Variants in ZFC3H1 observed in about 807,000 individuals in gnomAD.
ZFC3H1 encodes zinc finger C3H1 domain-containing protein.
Under a neutral mutation model 243.7 loss-of-function variants are expected in ZFC3H1, and 71 were observed. The observed-to-expected ratio is 0.29, with a 90% CI of 0.24 to 0.36. The LOEUF (loss-of-function observed/expected upper bound fraction) is 0.36. Among genes scored for constraint, ZFC3H1 ranks in the 10% least tolerant of loss-of-function variants. The pLI is 1.00. For synonymous variants in ZFC3H1, 838 were observed against 813.0 expected (o/e 1.03, Z -0.52); for missense variants, 1,966 against 2,317.1 (o/e 0.85, Z 3.11).
rs1303262989 is a variant in ZFC3H1 at position 71,647,777 on chromosome 12, ATTC to A, written c.1049_1051del (p.Arg350del). 16 of 1,479,812 alleles carry A rather than the reference ATTC, an allele frequency of 1.1e-5. No individual in the cohort carries two copies. Among genetic ancestry groups the A allele is most frequent in the Non-Finnish European group, 1.4e-5 (15 of 1,088,194 alleles). The allele number at this position is 1,479,812 out of a possible 1,614,324, so 91.7% of individuals were successfully genotyped here. On this transcript the variant is annotated inframe_deletion, in exon 3 of 35. Transcript: ENST00000378743. ...TTCAGACAGAATATCTGAGGTACTA[ATTC>A]TTCTTGTTAAATTTTGTTCTTTATC...
intron 11 of ZFC3H1, 101 bp downstream of exon 11, chr12:71,634,603 T>C (rs534100871): frequency 3.0e-6 from 4 of 1,331,722 alleles, no homozygotes; most frequent in African/African-American, 2.9e-5. Flanking sequence ...GTATCTTGGA[T>C]AAAACTATCA....
At chr12:71,627,279 A>G (rs1293533729) in intron 21 of ZFC3H1, among the ~76,000 whole-genome samples, 2 of 152,194 alleles carry the variant, frequency 1.3e-5, no homozygotes, top group African/African-American at 2.4e-5. Flanking sequence ...TTATTTAAAT[A>G]CATATAATTT....
At position 71,656,658 on chromosome 12, in the gene ZFC3H1, A is replaced by G. The variant is rs1881026270; in HGVS notation, c.1015+227T>C. The G allele has an allele frequency of 1.7e-5, 10 of 588,290 alleles. 1 individual carries two copies. The South Asian group carries it at 2.4e-4, about 14-fold the overall frequency. The allele number at this position is 588,290 out of a possible 1,614,324, so 36.4% of individuals were successfully genotyped here. A position where few individuals can be genotyped will look rare whatever the true frequency, so the allele number is the denominator to read the frequency against. ...GTGTCCACTATTATCACTTATGTAT[A>G]ACATTCTATTATAGAGGCCAGAATG... On this transcript the variant is annotated intron_variant, in intron 2 of 34. Transcript: ENST00000378743.
At chr12:71,623,029 TAAAA>T (rs34100899) in intron 24 of ZFC3H1, among the ~76,000 whole-genome samples, 1 of 144,900 alleles carries the variant, frequency 6.9e-6, no homozygotes, top group Admixed American at 6.8e-5. Context: ...AATGGACTGC[TAAAA>T]AAAAAAAAAA....
At chr12:71,637,729 T>C (rs978642090) in intron 7 of ZFC3H1, among the ~76,000 whole-genome samples, 6 of 152,138 alleles carry the variant, frequency 3.9e-5, no homozygotes, top group African/African-American at 7.2e-5. Flanking sequence ...GGCTCTAATA[T>C]TCCCCTCACC....
At chr12:71,643,227 A>G (rs1016844283) in intron 5 of ZFC3H1, among the ~76,000 whole-genome samples, 3 of 152,102 alleles carry the variant, frequency 2.0e-5, no homozygotes, top group African/African-American at 7.2e-5. Flanking sequence ...CCTGGCCAAC[A>G]TGGTGAAACC....
chr12:71,625,684 T>C (rs993368994), intron 22 of ZFC3H1, among the ~76,000 whole-genome samples: 2 of 152,168 alleles, frequency 1.3e-5, no homozygotes, highest in Non-Finnish European at 2.9e-5. Context: ...AGAGAGACCC[T>C]GCCTCAAAAA....
chr12:71,622,909 T>A (rs1880068183), intron 24 of ZFC3H1, among the ~76,000 whole-genome samples: 1 of 152,180 alleles, frequency 6.6e-6, no homozygotes, highest in Non-Finnish European at 1.5e-5. Context: ...TATCTTGTAA[T>A]GTGTTCCACA....
At chr12:71,660,450 ATATCT>A (rs2137567631) in intron 1 of ZFC3H1, 1 of 152,264 alleles carries the variant, frequency 6.6e-6, no homozygotes, top group African/African-American at 2.4e-5. Context: ...AAACAACAAG[ATATCT>A]TATTTATGAC....
intron 2 of ZFC3H1, among the ~76,000 whole-genome samples, chr12:71,653,690 A>G (rs1463143356): frequency 2.0e-5 from 3 of 152,264 alleles, no homozygotes; most frequent in Non-Finnish European, 4.4e-5. Context: ...TTTGAAAATC[A>G]ACAATGGAAG....
At chr12:71,656,244 A>C (rs987759861) in intron 2 of ZFC3H1, 1 of 246,776 alleles carries the variant, frequency 4.1e-6, no homozygotes, top group Non-Finnish European at 7.6e-6. Context: ...AACCTGAAGA[A>C]CTACACACTT....
chr12:71,613,284 A>G (rs771700661), intron 31 of ZFC3H1, 51 bp downstream of exon 31: 3 of 1,274,336 alleles, frequency 2.4e-6, no homozygotes, highest in Non-Finnish European at 3.3e-6. Context: ...TCTTATATAA[A>G]GAGCCTATTC....
At chr12:71,661,733 G>A (rs558309733) in intron 1 of ZFC3H1, among the ~76,000 whole-genome samples, 52 of 151,926 alleles carry the variant, frequency 3.4e-4, no homozygotes, top group African/African-American at 1.2e-3. Context: ...CCACCGCCTC[G>A]GCCTCTCAAA....
intron 2 of ZFC3H1, chr12:71,656,342 A>G (rs1410863604): frequency 5.0e-6 from 2 of 400,490 alleles, no homozygotes; most frequent in African/African-American, 4.1e-5. Flanking sequence ...CAAATCCATG[A>G]TTTAAAAATG....
At position 71,644,224 on chromosome 12, in the gene ZFC3H1, T is replaced by C; in HGVS notation, c.1374A>G (p.Lys458=). 1.9e-6 allele frequency: 3 copies of C among 1,612,770 alleles called. No homozygotes were observed. Among genetic ancestry groups the C allele is most frequent in the Non-Finnish European group, 8.5e-7 (1 of 1,179,196 alleles). ...TCCTTCTCTCTTCTTCTTCAGCTTG[T>C]TTCCGCTGATCCTCTTCTTTCTGTC... The part of the protein sequence containing the change: ...QERQKEEDQR[K]QAEEEERRKR... The change falls in exon 5 of 35, where the codon AAA becomes AAG. Residue 458 remains lysine, a synonymous_variant. Transcript: ENST00000378743.
chr12:71,658,332 A>C (rs1194429330), intron 1 of ZFC3H1, among the ~76,000 whole-genome samples: 2 of 122,780 alleles, frequency 1.6e-5, no homozygotes, highest in Non-Finnish European at 3.1e-5. Flanking sequence ...ACTGTCAGCC[A>C]GTCTGGAGTG....
chr12:71,642,783 T>G (rs1294585117), intron 5 of ZFC3H1, among the ~76,000 whole-genome samples: 4 of 152,188 alleles, frequency 2.6e-5, no homozygotes, highest in African/African-American at 9.6e-5. Context: ...AAGTACGAGC[T>G]ATACAGACGA....
chr12:71,632,367 G>C lies in ZFC3H1; in HGVS notation c.2965C>G (p.Leu989Val). The change falls in exon 15 of 35, where the codon CTT becomes GTT. Residue 989 changes from leucine (L) to valine (V), a missense_variant. Physicochemically the swap from Leu to Val is conservative, Grantham distance 32 (BLOSUM62 1). Around this residue, in one of 4 missense-constraint regions of ZFC3H1, gnomAD observed 1,383 missense variants for 1,723.7 expected, o/e 0.80. Transcript: ENST00000378743. The part of the protein sequence containing the change: ...KIQKLKEARA[L>V]KAKEQQNISP... Reference sequence around the variant, plus strand: ...ATATTTTGTTGTTCCTTTGCTTTAAGGGCACGGGCTTCTTTTAATTTTTGA... The same window carrying C: ...ATATTTTGTTGTTCCTTTGCTTTAACGGCACGGGCTTCTTTTAATTTTTGA... 6.2e-7 allele frequency: 1 copy of C among 1,613,582 alleles called. No homozygotes were observed. Among genetic ancestry groups the C allele is most frequent in the East Asian group, 2.2e-5 (1 of 44,844 alleles).
intron 27 of ZFC3H1, among the ~76,000 whole-genome samples, chr12:71,617,449 A>C (rs1879919217): frequency 6.6e-6 from 1 of 152,240 alleles, no homozygotes; most frequent in East Asian, 1.9e-4. Flanking sequence ...AGTAATGAGA[A>C]TATATTTGGA....
Sources: allele counts gnomAD v4.1 joint callset (sites outside exome capture counted in the v4.1 genomes callset), GRCh38; gene constraint gnomAD v4.1.1; regional missense constraint gnomAD v4.1.1; transcripts MANE v1.5; gene names NCBI Gene and HGNC (gene_info 2026-07-23, HGNC 2026-07-21).